Variants in CUX1 observed in about 807,000 individuals in gnomAD.
The protein encoded by CUX1 is cut like homeobox 1, also known as protein CASP.
Under a neutral mutation model 158.8 loss-of-function variants are expected in CUX1, and 31 were observed. The ratio of observed to expected loss-of-function variants is 0.20; its 90% CI spans 0.15 to 0.26. The LOEUF (loss-of-function observed/expected upper bound fraction) is 0.26. Among genes scored for constraint, CUX1 ranks in the 10% least tolerant of loss-of-function variants. The probability of loss-of-function intolerance (pLI) is 1.00; values close to 1 mark genes in which losing one functional copy is unlikely to be tolerated. For synonymous variants in CUX1, 879 were observed against 862.1 expected (o/e 1.02, Z -0.34); for missense variants, 1,589 against 2,014.6 (o/e 0.79, Z 4.04).
chr7:102,207,692 T>TC (rs1404159602), intron 20 of CUX1, among the ~76,000 whole-genome samples: 1 of 151,984 alleles, frequency 6.6e-6, no homozygotes, highest in Non-Finnish European at 1.5e-5. Flanking sequence ...TCTCAGGTGA[T>TC]CCCCCCACCT....
At chr7:102,048,084 A>C (rs549841389) in intron 3 of CUX1, among the ~76,000 whole-genome samples, 1 of 152,218 alleles carries the variant, frequency 6.6e-6, no homozygotes, top group Admixed American at 6.5e-5. Context: ...CATTTCCATG[A>C]TGTCGCTCAC....
At chr7:102,069,564 C>G (rs1200854368) in intron 3 of CUX1, among the ~76,000 whole-genome samples, 3 of 152,114 alleles carry the variant, frequency 2.0e-5, no homozygotes, top group African/African-American at 7.2e-5. Flanking sequence ...GCCTGGCCAA[C>G]ATGATAAAAC....
chr7:102,028,447 C>A (rs1820313492), intron 3 of CUX1, among the ~76,000 whole-genome samples: 1 of 152,192 alleles, frequency 6.6e-6, no homozygotes, highest in African/African-American at 2.4e-5. Flanking sequence ...CCTTCAGGAG[C>A]CCATGCATCC....
At chr7:102,231,807 G>A (rs553327172) in intron 21 of CUX1, among the ~76,000 whole-genome samples, 5 of 149,568 alleles carry the variant, frequency 3.3e-5, no homozygotes, top group South Asian at 2.1e-4. Flanking sequence ...TCCGCCTCCC[G>A]GGTTCACGCC....
intron 1 of CUX1, among the ~76,000 whole-genome samples, chr7:101,867,524 C>T (rs1243220147): frequency 2.6e-5 from 4 of 152,144 alleles, no homozygotes; most frequent in Non-Finnish European, 4.4e-5. Context: ...ACCAGGTCAC[C>T]GTGGGCACAC....
intron 2 of CUX1, among the ~76,000 whole-genome samples, chr7:102,017,360 AG>A (rs1818744730): frequency 6.6e-6 from 1 of 151,576 alleles, no homozygotes; most frequent in African/African-American, 2.4e-5. Flanking sequence ...TCAGTCCACA[AG>A]TATTCACTGT....
At chr7:102,263,011 C>CT (rs58568731), downstream of CUX1, among the ~76,000 whole-genome samples, 32,014 of 126,776 alleles carry the variant, frequency 0.25, 4,434 homozygotes, top group Non-Finnish European at 0.32. Context: ...AAGGGTTAAA[C>CT]TTTTTTTTTT....
intron 20 of CUX1, among the ~76,000 whole-genome samples, chr7:102,214,043 GAGAAT>G (rs1244286542): frequency 6.6e-6 from 1 of 152,172 alleles, no homozygotes; most frequent in African/African-American, 2.4e-5. Context: ...GCTGAGGCAG[GAGAAT>G]TAACTCGAAC....
intron 22 of CUX1, among the ~76,000 whole-genome samples, chr7:102,236,022 G>A (rs115261896): frequency 4.9e-4 from 74 of 152,212 alleles, no homozygotes; most frequent in African/African-American, 1.6e-3. Context: ...CAGGCACTGC[G>A]CTAAGACTGC....
chr7:102,021,071 A>G (rs1468550725), intron 2 of CUX1, among the ~76,000 whole-genome samples: 1 of 151,992 alleles, frequency 6.6e-6, no homozygotes, highest in Non-Finnish European at 1.5e-5. Context: ...GTCAGAATCA[A>G]GTCTTTCAGA....
At position 102,280,095 on chromosome 7, in the gene CUX1, A is replaced by AC. The variant is rs1554548821; in HGVS notation, c.1743dup (p.Phe582LeufsTer78). 6.2e-7 allele frequency: 1 copy of AC among 1,610,374 alleles called. No homozygotes were observed. The highest frequency in any genetic ancestry group is 8.5e-7 in the Non-Finnish European group (1 of 1,179,088). ...TCGTCCCAGTACGAGGAGCGCCTGG[A>AC]CCCCTTCTCCTCCTTCAGCAAGCGG... On this transcript the variant is annotated frameshift_variant, in exon 19 of 23. Coordinates refer to the CUX1 transcript ENST00000292538. LOFTEE classifies it high-confidence loss of function.
At position 102,258,027 on chromosome 7, in the gene CUX1, G is replaced by T; in HGVS notation, c.*8985G>T. On this transcript the variant is annotated 3_prime_UTR_variant, in exon 24 of 24. Coordinates refer to ENST00000292535, the MANE Select transcript of CUX1 (RefSeq NM_181552.4). ...TTAAGAGTCAAAGTTGACCTGGCTG[G>T]CGTGGGGGTGGGGGAGGCACCCGTC... The T allele has an allele frequency of 2.0e-6, 2 of 984,910 alleles. No individual in the cohort carries two copies. Among genetic ancestry groups the T allele is most frequent in the Non-Finnish European group, 2.4e-6 (2 of 829,886 alleles). The allele number at this position is 984,910 out of a possible 1,614,324, so 61.0% of individuals were successfully genotyped here. A position where few individuals can be genotyped will look rare whatever the true frequency, so the allele number is the denominator to read the frequency against.
intron 8 of CUX1, among the ~76,000 whole-genome samples, chr7:102,142,764 A>G (rs1191821014): frequency 6.6e-6 from 1 of 151,054 alleles, no homozygotes; most frequent in African/African-American, 2.4e-5. Flanking sequence ...TCTGCAAAAA[A>G]TTTAAAAATT....
Position 102,024,014 on chromosome 7 carries a change from C to T in CUX1, c.142-4084C>T, listed in dbSNP as rs1487331594. The stretch of plus-strand genomic sequence containing the variant: ...TAAAAGGCATAGCCCTTCTGCCTTT[C>T]TGGAATGCTGTAACAGAATATAGAA... On this transcript the variant is annotated intron_variant, in intron 2 of 23. Coordinates refer to ENST00000292535, the MANE Select transcript of CUX1 (RefSeq NM_181552.4). Among the ~76,000 whole-genome samples, 3 of 152,384 alleles carry T rather than the reference C, an allele frequency of 2.0e-5. No individual in the cohort carries two copies. In the Middle Eastern group the frequency reaches 0.01, roughly 518 times the overall value.
chr7:102,051,676 C>T (rs984645290), intron 3 of CUX1, among the ~76,000 whole-genome samples: 1 of 138,576 alleles, frequency 7.2e-6, no homozygotes, highest in African/African-American at 3.2e-5. Flanking sequence ...AAAAGGAACA[C>T]AGTGCATGTC....
chr7:101,925,654 A>T (rs1018820748), intron 2 of CUX1, among the ~76,000 whole-genome samples: 2 of 152,224 alleles, frequency 1.3e-5, no homozygotes, highest in African/African-American at 4.8e-5. Context: ...AAATTCAGCC[A>T]GGTGCAGTAG....
intron 2 of CUX1, among the ~76,000 whole-genome samples, chr7:102,023,612 C>T (rs548064880): frequency 1.3e-5 from 2 of 152,172 alleles, no homozygotes; most frequent in South Asian, 2.1e-4. Flanking sequence ...AGGCGTGAGC[C>T]GCCGTGCCTG....
rs113380467 is a variant in CUX1 at position 101,971,776 on chromosome 7, G to T, written c.141+55551G>T. On this transcript the variant is annotated intron_variant, in intron 2 of 23. Transcript: ENST00000292535. ...AAGAAGTCACTTGGTTTCATTGCCGGTTACAAGTTGCTGGCAACCAAGTGC... is the reference window on the plus strand; with the variant it reads ...AAGAAGTCACTTGGTTTCATTGCCGTTTACAAGTTGCTGGCAACCAAGTGC... Among the ~76,000 whole-genome samples the T allele has an allele frequency of 6.6e-5, 10 of 152,292 alleles. 1 individual carries two copies. The highest frequency in any genetic ancestry group is 2.4e-4 in the African/African-American group (10 of 41,556).
chr7:102,274,477 G>A lies in CUX1; in HGVS notation c.1450+167G>A, dbSNP rs984480964. Among the ~76,000 whole-genome samples, 35 of 152,238 alleles carry A rather than the reference G, an allele frequency of 2.3e-4. 1 individual carries two copies. The highest frequency in any genetic ancestry group is 8.4e-4 in the African/African-American group (35 of 41,470). ...TTCAAAGGGTCGGGTAAGGCTAGGTGTGGTGGCGCACACCTATAGTCCCGG... is the reference window on the plus strand; with the variant it reads ...TTCAAAGGGTCGGGTAAGGCTAGGTATGGTGGCGCACACCTATAGTCCCGG... On this transcript the variant is annotated intron_variant, in intron 16 of 22. Transcript: ENST00000292538.
Sources: gnomAD v4.1 joint callset for allele counts (sites outside exome capture counted in the v4.1 genomes callset) on GRCh38, gnomAD v4.1.1 for gene constraint, MANE v1.5 for transcripts, NCBI Gene and HGNC (gene_info 2026-07-23, HGNC 2026-07-21) for gene names.